HIVEP1: variants seen among roughly 807,000 people sequenced by gnomAD.
HIVEP1 encodes the protein HIVEP zinc finger 1.
Under a neutral mutation model 180.0 loss-of-function variants are expected in HIVEP1, and 36 were observed. That is an observed-to-expected ratio of 0.20 (90% CI 0.15 to 0.26). HIVEP1 has a LOEUF of 0.26. Ranked by LOEUF, HIVEP1 falls within the 10% of genes least tolerant of loss-of-function variation. The pLI is 1.00. For synonymous variants in HIVEP1, 1,239 were observed against 1,239.0 expected, an observed-to-expected ratio of 1.00 and a Z score of 0.00; for missense variants, 3,143 against 3,268.7, an observed-to-expected ratio of 0.96 and a Z score of 0.94.
chr6:12,135,447 C>G (rs1758649713), intron 6 of HIVEP1, among the ~76,000 whole-genome samples: 4 of 152,182 alleles, frequency 2.6e-5, no homozygotes, highest in Admixed American at 2.6e-4. Flanking sequence ...GGAGAATTCA[C>G]ACTCCAAGAA....
intron 2 of HIVEP1, among the ~76,000 whole-genome samples, chr6:12,028,424 A>G (rs757316455): frequency 1.3e-5 from 2 of 152,256 alleles, no homozygotes; most frequent in Non-Finnish European, 2.9e-5. Context: ...CTCAGTTAAC[A>G]TATGTAAGGA....
chr6:12,077,024 A>G (rs1772406773), intron 2 of HIVEP1, among the ~76,000 whole-genome samples: 1 of 152,156 alleles, frequency 6.6e-6, no homozygotes, highest in South Asian at 2.1e-4. Context: ...ATAGGAAGCC[A>G]GGGCCCTAAA....
chr6:12,187,330 G>A, the HIVEP1 span, among the ~76,000 whole-genome samples: 1 of 152,068 alleles, frequency 6.6e-6, no homozygotes, highest in Non-Finnish European at 1.5e-5. Context: ...GGTCATGGGG[G>A]CAAACCTCTC....
At chr6:12,143,140 A>G (rs1245479883) in intron 7 of HIVEP1, among the ~76,000 whole-genome samples, 1 of 152,236 alleles carries the variant, frequency 6.6e-6, no homozygotes. Flanking sequence ...TCCTCAATAA[A>G]ATACTGGCAA....
chr6:12,085,734 C>A (rs1204856801), intron 2 of HIVEP1, among the ~76,000 whole-genome samples: 1 of 152,046 alleles, frequency 6.6e-6, no homozygotes, highest in Non-Finnish European at 1.5e-5. Flanking sequence ...GTGAGGGAGA[C>A]CCTCCCCACA....
intron 3 of HIVEP1, among the ~76,000 whole-genome samples, chr6:12,096,137 T>G (rs1242730209): frequency 6.6e-6 from 1 of 152,070 alleles, no homozygotes; most frequent in Non-Finnish European, 1.5e-5. Context: ...GTGGTATCAC[T>G]CTTACATTAT....
chr6:12,065,690 T>TGTGTGC (rs3070534), intron 2 of HIVEP1, among the ~76,000 whole-genome samples: 2 of 120,404 alleles, frequency 1.7e-5, no homozygotes, highest in African/African-American at 6.1e-5. Context: ...TGTGTGTGTG[T>TGTGTGC]GCGTGTGTGT....
intron 3 of HIVEP1, among the ~76,000 whole-genome samples, chr6:12,112,982 A>G (rs904219680): frequency 2.0e-5 from 3 of 151,824 alleles, no homozygotes; most frequent in African/African-American, 7.3e-5. Flanking sequence ...TATCAGCTTA[A>G]AGCCCAAGGC....
chr6:12,056,090 G>T (rs1378661505), intron 2 of HIVEP1, among the ~76,000 whole-genome samples: 2 of 152,058 alleles, frequency 1.3e-5, no homozygotes, highest in South Asian at 2.1e-4. Context: ...CCTTGATCTG[G>T]TAAAAGGCTG....
chr6:12,029,046 T>G (rs1037088256), intron 2 of HIVEP1, among the ~76,000 whole-genome samples: 3 of 152,266 alleles, frequency 2.0e-5, no homozygotes, highest in Non-Finnish European at 4.4e-5. Context: ...CTTTTATCGC[T>G]ACATAATATT....
intron 7 of HIVEP1, among the ~76,000 whole-genome samples, chr6:12,157,694 A>T (rs765316916): frequency 6.6e-5 from 10 of 151,964 alleles, no homozygotes; most frequent in Non-Finnish European, 1.3e-4. Flanking sequence ...TTGTGTCCCC[A>T]TTTATTCTAT....
In HIVEP1 at chr6:12,163,912, C is replaced by G. The variant is rs1389238056; in HGVS notation, c.7608C>G (p.Ala2536=). Residue 2536 remains alanine (A), a synonymous_variant, in exon 9 of 9, where the codon GCC becomes GCG. Coordinates refer to ENST00000379388, the MANE Select transcript of HIVEP1 (RefSeq NM_002114.4). The part of the protein sequence containing the change: ...TANPSSQSSP[A]PQAHIPGLQI... ...ACCCTTCATCACAAAGCAGCCCCGC[C>G]CCTCAGGCACACATTCCAGGTCTCC... The G allele has an allele frequency of 9.3e-6, 15 of 1,614,170 alleles. No individual in the cohort carries two copies. The highest frequency in any genetic ancestry group is 1.3e-5 in the Non-Finnish European group (15 of 1,180,022).
intron 4 of HIVEP1, among the ~76,000 whole-genome samples, chr6:12,128,572 A>AC (rs1220801164): frequency 6.6e-6 from 1 of 152,086 alleles, no homozygotes; most frequent in Non-Finnish European, 1.5e-5. Flanking sequence ...TTAACACTTG[A>AC]CCTGGGACAA....
upstream of HIVEP1, chr6:12,012,230 CCCCGCCCG>C (rs1186798537): frequency 7.0e-6 from 1 of 142,138 alleles, no homozygotes; most frequent in African/African-American, 2.6e-5. Context: ...CGGCTGCGGC[CCCCGCCCG>C]CGCGCCCCGC....
intron 2 of HIVEP1, among the ~76,000 whole-genome samples, chr6:12,069,695 A>G (rs2113780113): frequency 6.6e-6 from 1 of 152,016 alleles, no homozygotes; most frequent in South Asian, 2.1e-4. Context: ...CACATTGTGC[A>G]CATGTACCCT....
Position 12,161,819 on chromosome 6 carries a change from C to G in HIVEP1, c.6868C>G (p.Pro2290Ala). 4 of 1,614,146 alleles carry G rather than the reference C, an allele frequency of 2.5e-6. No homozygotes were observed. Among genetic ancestry groups the G allele is most frequent in the African/African-American group, 1.3e-5 (1 of 75,062 alleles). Residue 2290 changes from proline to alanine, a missense_variant, in exon 8 of 9, where the codon CCG (proline) becomes GCG (alanine). This residue lies in a region of HIVEP1 where 595 missense variants were observed against 602.2 expected (regional missense o/e 0.99). Transcript: ENST00000379388. The part of the protein sequence containing the change: ...RAARDENDTI[P>A]SVDTSRSPCH... ...TGCGAGAGATGAAAACGACACAATT[C>G]CGTCTGTAGACACTTCCAGGTCCCC... is the stretch of plus-strand genomic sequence containing the variant.
intron 7 of HIVEP1, among the ~76,000 whole-genome samples, chr6:12,141,454 C>A (rs928474831): frequency 5.3e-5 from 8 of 151,972 alleles, no homozygotes; most frequent in African/African-American, 1.7e-4. Flanking sequence ...TTGGAAGAAA[C>A]TGCATCAACT....
chr6:12,117,630 T>G (rs1003158485), intron 3 of HIVEP1, among the ~76,000 whole-genome samples: 2 of 152,212 alleles, frequency 1.3e-5, no homozygotes, highest in African/African-American at 4.8e-5. Context: ...TAACTTTATC[T>G]AAAAATAAAA....
chr6:12,041,755 C>T (rs1330026440), intron 2 of HIVEP1, among the ~76,000 whole-genome samples: 1 of 152,014 alleles, frequency 6.6e-6, no homozygotes, highest in Non-Finnish European at 1.5e-5. Flanking sequence ...CCTCCGCCTC[C>T]CAGGTTCAAG....
Sources: gnomAD v4.1 joint callset for allele counts (sites outside exome capture counted in the v4.1 genomes callset) on GRCh38, gnomAD v4.1.1 for gene constraint, gnomAD v4.1.1 regional missense constraint, MANE v1.5 for transcripts, NCBI Gene and HGNC (gene_info 2026-07-23, HGNC 2026-07-21) for gene names.